The following PTPRM variants were observed in gnomAD, a reference collection of about 807,000 sequenced individuals.
PTPRM encodes the protein receptor-type tyrosine-protein phosphatase mu.
Under a neutral mutation model 186.7 loss-of-function variants are expected in PTPRM, and 47 were observed. That is an observed-to-expected ratio of 0.25 (90% CI 0.20 to 0.32). The LOEUF (loss-of-function observed/expected upper bound fraction) is 0.32. PTPRM is among the 10% of genes least tolerant of loss of function. The pLI, the probability that PTPRM is intolerant of heterozygous loss-of-function variation, is 1.00. For missense variants in PTPRM, 1,494 were observed against 1,865.0 expected (o/e 0.80, Z 3.66); for synonymous variants, 668 against 674.9 (o/e 0.99, Z 0.16).
chr18:7,865,885 A>C (rs1735683281), intron 2 of PTPRM, among the ~76,000 whole-genome samples: 1 of 151,940 alleles, frequency 6.6e-6, no homozygotes, highest in African/African-American at 2.4e-5. Flanking sequence ...CTATTCAGGG[A>C]TTTGACTTCT....
At chr18:8,401,722 C>T (rs577374609) in intron 32 of PTPRM, among the ~76,000 whole-genome samples, 3 of 152,354 alleles carry the variant, frequency 2.0e-5, no homozygotes, top group African/African-American at 7.2e-5. Flanking sequence ...CTGACGGAGG[C>T]CCCCAGTGCC....
At chr18:7,770,084 T>C (rs756523747) in intron 1 of PTPRM, among the ~76,000 whole-genome samples, 2 of 152,200 alleles carry the variant, frequency 1.3e-5, no homozygotes, top group Non-Finnish European at 2.9e-5. Flanking sequence ...TGGGAGCCAG[T>C]CCAGGTGTGA....
intron 22 of PTPRM, among the ~76,000 whole-genome samples, chr18:8,342,351 G>A (rs1355570543): frequency 6.6e-6 from 1 of 152,218 alleles, no homozygotes; most frequent in African/African-American, 2.4e-5. Flanking sequence ...TTTGAGAGGT[G>A]TTACTGTGAT....
At chr18:7,949,613 CTA>C (rs546468624) in intron 6 of PTPRM, among the ~76,000 whole-genome samples, 169 of 152,242 alleles carry the variant, frequency 1.1e-3, no homozygotes, top group Non-Finnish European at 1.8e-3. Flanking sequence ...TCTGCCAACT[CTA>C]TATACAGAGA....
At chr18:8,150,925 C>T (rs1173307309) in intron 14 of PTPRM, among the ~76,000 whole-genome samples, 1 of 152,126 alleles carries the variant, frequency 6.6e-6, no homozygotes, top group African/African-American at 2.4e-5. Flanking sequence ...GAGGTCCGCT[C>T]CAGACCTTGT....
chr18:7,632,373 A>G (rs148198246), intron 1 of PTPRM, among the ~76,000 whole-genome samples: 4,249 of 152,346 alleles, frequency 0.028, 71 homozygotes, highest in Middle Eastern at 0.065. Context: ...TACAAGTTGC[A>G]CAGATAGTAA....
intron 14 of PTPRM, among the ~76,000 whole-genome samples, chr18:8,232,738 G>A (rs2094302063): frequency 6.6e-6 from 1 of 152,126 alleles, no homozygotes; most frequent in Non-Finnish European, 1.5e-5. Context: ...CTTTTGTGAA[G>A]CTCCCCACGA....
At chr18:7,662,579 G>A (rs1291118436) in intron 1 of PTPRM, among the ~76,000 whole-genome samples, 1 of 152,166 alleles carries the variant, frequency 6.6e-6, no homozygotes, top group South Asian at 2.1e-4. Context: ...GGTAGTGGTA[G>A]TGGGGAAAGA....
At chr18:7,641,481 A>G (rs1051024296) in intron 1 of PTPRM, among the ~76,000 whole-genome samples, 4 of 152,002 alleles carry the variant, frequency 2.6e-5, no homozygotes, top group African/African-American at 7.3e-5. Flanking sequence ...CTCACTCATG[A>G]AAAAAAACAC....
intron 24 of PTPRM, among the ~76,000 whole-genome samples, chr18:8,373,858 C>A (rs563776881): frequency 6.6e-6 from 1 of 150,416 alleles, no homozygotes; most frequent in Admixed American, 6.6e-5. Context: ...GCACTGCAGC[C>A]TGGGCAACAG....
rs1305244376 is a variant in PTPRM at position 7,659,155 on chromosome 18, C to CACACACACAA, written c.73+91265_73+91266insCACACACAAA. Among the ~76,000 whole-genome samples the CACACACACAA allele has an allele frequency of 2.6e-3, 383 of 147,304 alleles. 2 individuals are homozygous for CACACACACAA. The highest frequency in any genetic ancestry group is 9.6e-3 in the African/African-American group (373 of 39,050). On this transcript the variant is annotated intron_variant, in intron 1 of 32. Coordinates refer to ENST00000580170, the MANE Select transcript of PTPRM (RefSeq NM_001105244.2). ...ACACACACACACACACACACACACA[C>CACACACACAA]AATCTCCCTTCTCTGCTTTATTTTT...
At chr18:7,965,553 G>C (rs538678360) in intron 7 of PTPRM, among the ~76,000 whole-genome samples, 1 of 152,254 alleles carries the variant, frequency 6.6e-6, no homozygotes, top group South Asian at 2.1e-4. Flanking sequence ...ACACAGGTAA[G>C]ATTGTTCACC....
chr18:8,243,650 A>G lies in PTPRM; in HGVS notation c.2301-408A>G, dbSNP rs79862169. On this transcript the variant is annotated intron_variant, in intron 14 of 32. Coordinates refer to ENST00000580170, the MANE Select transcript of PTPRM (RefSeq NM_001105244.2). ...TGCTTGGAAAATATTTACTCAAGGG[A>G]GTCTTCTCTTTGACACTGTATATGG... 1.3e-4 allele frequency among the ~76,000 whole-genome samples: 20 copies of G among 152,286 alleles called. No homozygotes were observed. In the East Asian group the frequency reaches 3.7e-3, roughly 28 times the overall value.
At chr18:8,029,930 C>G (rs1225793324) in intron 7 of PTPRM, among the ~76,000 whole-genome samples, 1 of 152,196 alleles carries the variant, frequency 6.6e-6, no homozygotes, top group East Asian at 1.9e-4. Flanking sequence ...CCCTGTGATC[C>G]AGTTGCATTC....
intron 19 of PTPRM, among the ~76,000 whole-genome samples, chr18:8,283,101 G>T (rs1462025040): frequency 6.6e-6 from 1 of 152,016 alleles, no homozygotes. Context: ...ATTCCACAAG[G>T]AAGTTTTTTT....
intron 7 of PTPRM, among the ~76,000 whole-genome samples, chr18:7,972,581 T>G (rs1325646963): frequency 6.7e-6 from 1 of 148,802 alleles, no homozygotes; most frequent in East Asian, 2.0e-4. Flanking sequence ...AAAATATACA[T>G]ATTAAAATAT....
chr18:7,613,762 G>A (rs1598527276), intron 1 of PTPRM, among the ~76,000 whole-genome samples: 1 of 152,312 alleles, frequency 6.6e-6, no homozygotes, highest in East Asian at 1.9e-4. Context: ...TCCAGTGCAA[G>A]GAAAAGGTTG....
intron 19 of PTPRM, among the ~76,000 whole-genome samples, chr18:8,259,593 T>C (rs2094607108): frequency 6.6e-6 from 1 of 152,124 alleles, no homozygotes; most frequent in South Asian, 2.1e-4. Context: ...TTGACAAAGC[T>C]GTGGCAACTT....
intron 14 of PTPRM, among the ~76,000 whole-genome samples, chr18:8,218,787 G>C (rs1052788307): frequency 6.6e-6 from 1 of 152,202 alleles, no homozygotes; most frequent in South Asian, 2.1e-4. Flanking sequence ...TCTCTTGGCA[G>C]TTCTTGCATG....
Sources: gnomAD v4.1 joint callset for allele counts (sites outside exome capture counted in the v4.1 genomes callset) on GRCh38, gnomAD v4.1.1 for gene constraint, MANE v1.5 for transcripts, NCBI Gene and HGNC (gene_info 2026-07-23, HGNC 2026-07-21) for gene names.